Variants in ATP10B observed in about 807,000 individuals in gnomAD.
ATP10B encodes phospholipid-transporting ATPase VB.
ATP10B carries 122 observed loss-of-function variants against 141.2 expected under a neutral mutation model. The ratio of observed to expected loss-of-function variants is 0.86; its 90% CI spans 0.75 to 1.00. The LOEUF is 1.00. Among genes scored for constraint, ATP10B ranks in the 50% least tolerant of loss-of-function variants. The pLI is 0.00. For synonymous variants in ATP10B, 685 were observed against 692.0 expected (o/e 0.99, Z 0.16); for missense variants, 1,876 against 1,825.3 (o/e 1.03, Z -0.51).
At chr5:160,791,012 T>C (rs996419072) in intron 1 of ATP10B, among the ~76,000 whole-genome samples, 22 of 152,104 alleles carry the variant, frequency 1.4e-4, no homozygotes, top group African/African-American at 5.3e-4. Flanking sequence ...AAGGGGGTCA[T>C]GAGCCAAGGA....
intron 2 of ATP10B, among the ~76,000 whole-genome samples, chr5:160,748,516 C>T (rs2127818528): frequency 6.6e-6 from 1 of 152,322 alleles, no homozygotes; most frequent in Admixed American, 6.5e-5. Flanking sequence ...CCCAGCTAGA[C>T]ATCTCTCTCT....
intron 2 of ATP10B, among the ~76,000 whole-genome samples, chr5:160,736,463 A>G (rs1351333341): frequency 6.6e-6 from 1 of 152,156 alleles, no homozygotes; most frequent in Non-Finnish European, 1.5e-5. Context: ...TCAAAGCCAT[A>G]ATAAAAAGTC....
intron 1 of ATP10B, among the ~76,000 whole-genome samples, chr5:160,821,268 C>A (rs1012309535): frequency 6.6e-6 from 1 of 151,490 alleles, no homozygotes; most frequent in East Asian, 1.9e-4. Flanking sequence ...TTTATAATAG[C>A]TAGAAATAAA....
At chr5:160,898,750 G>GC in the ATP10B span, among the ~76,000 whole-genome samples, 1 of 152,146 alleles carries the variant, frequency 6.6e-6, no homozygotes, top group African/African-American at 2.4e-5. Flanking sequence ...CAATCCAAAT[G>GC]CCCATCAATG....
chr5:160,697,698 A>G (rs908700828), intron 3 of ATP10B, among the ~76,000 whole-genome samples: 1 of 152,162 alleles, frequency 6.6e-6, no homozygotes, highest in African/African-American at 2.4e-5. Flanking sequence ...AAATAAAATT[A>G]ATGAAAGGAT....
At chr5:160,617,751 G>T in intron 16 of ATP10B, 113 bp downstream of exon 16, 1 of 958,030 alleles carries the variant, frequency 1.0e-6, no homozygotes, top group Non-Finnish European at 1.6e-6. Context: ...AGCTAATCTT[G>T]AAAATGTTAA....
chr5:160,661,135 G>A (rs1761881747), intron 7 of ATP10B, among the ~76,000 whole-genome samples: 1 of 152,056 alleles, frequency 6.6e-6, no homozygotes, highest in Non-Finnish European at 1.5e-5. Flanking sequence ...GTGGTGAGCT[G>A]AGATCGCGCC....
chr5:160,907,501 A>C, the ATP10B span, among the ~76,000 whole-genome samples: 2 of 151,932 alleles, frequency 1.3e-5, no homozygotes, highest in African/African-American at 4.8e-5. Context: ...GTGGGACTAC[A>C]GGTGTGTGTG....
intron 13 of ATP10B, among the ~76,000 whole-genome samples, chr5:160,625,089 C>T (rs1235524308): frequency 6.6e-6 from 1 of 152,194 alleles, no homozygotes. Context: ...CCATCATCCT[C>T]CCAATTGTCT....
intron 7 of ATP10B, 113 bp downstream of exon 7, chr5:160,670,350 G>A: frequency 1.1e-6 from 1 of 949,994 alleles, no homozygotes; most frequent in Non-Finnish European, 1.6e-6. Flanking sequence ...CTAGGGAAAA[G>A]GAGGCATCTA....
intron 1 of ATP10B, among the ~76,000 whole-genome samples, chr5:160,850,767 G>T (rs904627296): frequency 2.6e-5 from 4 of 152,224 alleles, no homozygotes; most frequent in African/African-American, 9.6e-5. Context: ...ATGTTATACT[G>T]CTATACTCTT....
chr5:160,611,323 G>C (rs919903906), intron 18 of ATP10B, among the ~76,000 whole-genome samples: 6 of 152,140 alleles, frequency 3.9e-5, no homozygotes, highest in Non-Finnish European at 5.9e-5. Context: ...TCTCCCTCTG[G>C]CTGGCTGCCT....
At chr5:160,654,503 G>A (rs967987583) in intron 7 of ATP10B, among the ~76,000 whole-genome samples, 3 of 152,302 alleles carry the variant, frequency 2.0e-5, no homozygotes, top group Admixed American at 1.3e-4. Flanking sequence ...AGAGAAGAGT[G>A]TGTGTCTCTG....
chr5:160,605,563 G>T (rs1757334504), intron 19 of ATP10B, among the ~76,000 whole-genome samples: 1 of 152,158 alleles, frequency 6.6e-6, no homozygotes, highest in African/African-American at 2.4e-5. Context: ...GACAATTCCA[G>T]GCATAAAAGT....
intron 6 of ATP10B, among the ~76,000 whole-genome samples, chr5:160,675,724 T>C (rs183752916): frequency 1.5e-4 from 23 of 152,174 alleles, no homozygotes; most frequent in Non-Finnish European, 3.2e-4. Flanking sequence ...GACTGCAGCA[T>C]AGGGATTGAG....
chr5:160,925,797 C>T, the ATP10B span, among the ~76,000 whole-genome samples: 1 of 152,114 alleles, frequency 6.6e-6, no homozygotes, highest in East Asian at 1.9e-4. Flanking sequence ...CTTTAAAGGC[C>T]ATGAAATTAG....
At chr5:160,612,441 C>G (rs899535359) in intron 18 of ATP10B, 7 of 223,890 alleles carry the variant, frequency 3.1e-5, no homozygotes, top group African/African-American at 1.1e-4. Flanking sequence ...CTTCAGTTTC[C>G]TTATCTGTGG....
chr5:160,841,770 G>A (rs915841634), intron 1 of ATP10B, among the ~76,000 whole-genome samples: 5 of 152,004 alleles, frequency 3.3e-5, no homozygotes, highest in Non-Finnish European at 7.4e-5. Flanking sequence ...TGTCACCTAG[G>A]CTGGAGTGCA....
At chr5:160,770,845 C>A (rs1188396521) in intron 2 of ATP10B, among the ~76,000 whole-genome samples, 3 of 152,104 alleles carry the variant, frequency 2.0e-5, no homozygotes, top group Non-Finnish European at 4.4e-5. Context: ...AGATGGTATG[C>A]AATTCTGGCA....
Sources: allele counts gnomAD v4.1 joint callset (sites outside exome capture counted in the v4.1 genomes callset), GRCh38; gene constraint gnomAD v4.1.1; transcripts MANE v1.5; gene names NCBI Gene and HGNC (gene_info 2026-07-23, HGNC 2026-07-21).